GRIK1: variants seen among roughly 807,000 people sequenced by gnomAD.
GRIK1 encodes the protein glutamate ionotropic receptor kainate type subunit 1.
A neutral mutation model predicts 105.7 loss-of-function variants in GRIK1; 69 were observed. That is an observed-to-expected ratio of 0.65 (90% confidence interval 0.54 to 0.80). The LOEUF is 0.80. GRIK1 is among the 30% of genes least tolerant of loss of function. The pLI, the probability that GRIK1 is intolerant of heterozygous loss-of-function variation, is 0.00. For missense variants in GRIK1, 1,109 were observed against 1,167.3 expected, an observed-to-expected ratio of 0.95 and a Z score of 0.73; for synonymous variants, 438 against 431.3, an observed-to-expected ratio of 1.02 and a Z score of -0.19.
chr21:29,743,092 G>A (rs1249966163), intron 1 of GRIK1, among the ~76,000 whole-genome samples: 1 of 151,902 alleles, frequency 6.6e-6, no homozygotes, highest in African/African-American at 2.4e-5. Flanking sequence ...TCTTTAGGAG[G>A]ATTCAATCAT....
chr21:29,660,257 C>T (rs957328466), intron 4 of GRIK1, among the ~76,000 whole-genome samples: 5 of 152,140 alleles, frequency 3.3e-5, no homozygotes, highest in Admixed American at 1.3e-4. Flanking sequence ...TTATCATGTA[C>T]GGCCTGAGCA....
intron 1 of GRIK1, among the ~76,000 whole-genome samples, chr21:29,865,973 C>T (rs1400843179): frequency 6.6e-6 from 1 of 152,094 alleles, no homozygotes; most frequent in Non-Finnish European, 1.5e-5. Flanking sequence ...CATGCAATGC[C>T]CTGGACAGTG....
At chr21:29,603,276 G>T (rs991414847) in intron 7 of GRIK1, among the ~76,000 whole-genome samples, 1 of 151,594 alleles carries the variant, frequency 6.6e-6, no homozygotes, top group Non-Finnish European at 1.5e-5. Flanking sequence ...ACAAGAAAAG[G>T]CTCCAACTTT....
intron 12 of GRIK1, chr21:29,582,336 C>G: frequency 2.1e-6 from 1 of 470,308 alleles, no homozygotes; most frequent in Non-Finnish European, 4.4e-6. Context: ...GTCACTTAAT[C>G]AGCAACCCTG....
intron 1 of GRIK1, among the ~76,000 whole-genome samples, chr21:29,770,504 C>A (rs1023325375): frequency 6.6e-6 from 1 of 152,186 alleles, no homozygotes; most frequent in Non-Finnish European, 1.5e-5. Context: ...ATGTAGCCAC[C>A]ACTGTCTCCA....
intron 1 of GRIK1, among the ~76,000 whole-genome samples, chr21:29,927,131 C>T (rs528661098): frequency 6.6e-6 from 1 of 152,256 alleles, no homozygotes; most frequent in South Asian, 2.1e-4. Context: ...CACTCACAGA[C>T]ATTGCCTTGC....
intron 1 of GRIK1, among the ~76,000 whole-genome samples, chr21:29,920,461 C>T (rs778418097): frequency 6.6e-6 from 1 of 152,074 alleles, no homozygotes; most frequent in Non-Finnish European, 1.5e-5. Context: ...CAGATATAAA[C>T]TCACAAACTT....
intron 7 of GRIK1, among the ~76,000 whole-genome samples, chr21:29,607,646 T>C (rs1282727470): frequency 1.1e-4 from 17 of 152,150 alleles, no homozygotes; most frequent in Admixed American, 1.1e-3. Context: ...TTAATTGATT[T>C]TTTTAAAAAT....
intron 16 of GRIK1, among the ~76,000 whole-genome samples, chr21:29,544,026 T>A (rs1415330062): frequency 6.6e-6 from 1 of 152,216 alleles, no homozygotes; most frequent in African/African-American, 2.4e-5. Flanking sequence ...ACCTGGGACC[T>A]GATGCCAACA....
At chr21:29,908,807 A>G (rs1054230754) in intron 1 of GRIK1, among the ~76,000 whole-genome samples, 10 of 152,216 alleles carry the variant, frequency 6.6e-5, no homozygotes, top group African/African-American at 2.4e-4. Flanking sequence ...TCAACAATGA[A>G]CAAGATTTCT....
rs573129706 is a variant in GRIK1 at position 29,544,402 on chromosome 21, A to G, written c.2608-6518T>C. Among the ~76,000 whole-genome samples, 12 of 152,298 alleles carry G rather than the reference A, an allele frequency of 7.9e-5. No individual in the cohort carries two copies. The South Asian group carries it at 2.3e-3, about 29-fold the overall frequency. ...GGGATGTGTAAGTTCATCCTCCGCT[A>G]ACGTTAGGGATAATGTCATGGAAAA... On this transcript the variant is annotated intron_variant, in intron 16 of 17. Coordinates refer to ENST00000327783, the MANE Select transcript of GRIK1 (RefSeq NM_001330994.2).
At chr21:29,813,007 T>C (rs2067053706) in intron 1 of GRIK1, among the ~76,000 whole-genome samples, 1 of 152,144 alleles carries the variant, frequency 6.6e-6, no homozygotes, top group African/African-American at 2.4e-5. Context: ...CAGCCTTTTC[T>C]GTGCATTAGC....
intron 1 of GRIK1, among the ~76,000 whole-genome samples, chr21:29,740,167 A>G (rs1245238183): frequency 2.0e-5 from 3 of 151,756 alleles, no homozygotes; most frequent in Non-Finnish European, 2.9e-5. Flanking sequence ...AATCCCCCAC[A>G]TGGTCCTTAT....
At chr21:29,716,126 G>A (rs2064171026) in intron 1 of GRIK1, among the ~76,000 whole-genome samples, 1 of 152,100 alleles carries the variant, frequency 6.6e-6, no homozygotes, top group African/African-American at 2.4e-5. Flanking sequence ...AGAAGGACAT[G>A]TTTGCTTCCC....
chr21:29,853,506 C>T (rs1430463499), intron 1 of GRIK1, among the ~76,000 whole-genome samples: 1 of 152,210 alleles, frequency 6.6e-6, no homozygotes, highest in Non-Finnish European at 1.5e-5. Context: ...GCAAAATTGC[C>T]TCCAGTGGAG....
At chr21:29,573,260 A>G (rs968157658) in intron 14 of GRIK1, among the ~76,000 whole-genome samples, 1 of 152,222 alleles carries the variant, frequency 6.6e-6, no homozygotes, top group African/African-American at 2.4e-5. Flanking sequence ...TTTCAGGACC[A>G]GGGAGAAAGC....
intron 6 of GRIK1, among the ~76,000 whole-genome samples, chr21:29,643,533 T>G (rs528751458): frequency 5.9e-5 from 9 of 152,334 alleles, no homozygotes; most frequent in African/African-American, 1.9e-4. Context: ...GGAGACCCTC[T>G]GAAGGGCAGA....
At chr21:29,752,504 C>T (rs972919862) in intron 1 of GRIK1, among the ~76,000 whole-genome samples, 2 of 152,008 alleles carry the variant, frequency 1.3e-5, no homozygotes, top group African/African-American at 2.4e-5. Context: ...GAAAAAGGAG[C>T]TTAACAATAT....
intron 4 of GRIK1, among the ~76,000 whole-genome samples, chr21:29,660,420 A>G (rs1379589675): frequency 1.3e-5 from 2 of 152,188 alleles, no homozygotes; most frequent in African/African-American, 4.8e-5. Flanking sequence ...GAATCTTCCA[A>G]CCACACATGG....
Sources: gnomAD v4.1 joint callset for allele counts (sites outside exome capture counted in the v4.1 genomes callset) on GRCh38, gnomAD v4.1.1 for gene constraint, MANE v1.5 for transcripts, NCBI Gene and HGNC (gene_info 2026-07-23, HGNC 2026-07-21) for gene names.